Variants in MTUS2 observed in about 807,000 individuals in gnomAD.
The protein encoded by MTUS2 is microtubule-associated tumor suppressor candidate 2.
MTUS2 carries 40 observed loss-of-function variants against 114.1 expected under a neutral mutation model. That is an observed-to-expected ratio of 0.35 (90% CI 0.27 to 0.46). The LOEUF is 0.46. MTUS2 is among the 20% of genes least tolerant of loss of function. MTUS2 has a pLI of 1.00. For synonymous variants in MTUS2, 688 were observed against 672.0 expected (o/e 1.02, Z -0.37); for missense variants, 1,679 against 1,705.4 (o/e 0.98, Z 0.27).
intron 4 of MTUS2, among the ~76,000 whole-genome samples, chr13:29,058,351 G>C (rs1200968717): frequency 6.6e-6 from 1 of 151,600 alleles, no homozygotes; most frequent in African/African-American, 2.4e-5. Flanking sequence ...AATGTTCATG[G>C]GTGATATCCT....
At chr13:29,378,227 A>C (rs555415624) in intron 8 of MTUS2, among the ~76,000 whole-genome samples, 9 of 152,230 alleles carry the variant, frequency 5.9e-5, no homozygotes, top group African/African-American at 2.2e-4. Context: ...CCCTATACAC[A>C]AAAAAGTCAA....
intron 5 of MTUS2, among the ~76,000 whole-genome samples, chr13:29,157,384 T>A (rs555093295): frequency 6.6e-6 from 1 of 152,354 alleles, no homozygotes; most frequent in South Asian, 2.1e-4. Flanking sequence ...TGTTTTTGAC[T>A]TTTTAATTTT....
intron 2 of MTUS2, among the ~76,000 whole-genome samples, chr13:28,881,854 AG>A (rs1238987057): frequency 6.6e-6 from 1 of 152,242 alleles, no homozygotes; most frequent in African/African-American, 2.4e-5. Flanking sequence ...CCGTAGCCAA[AG>A]GATGGACATA....
intron 2 of MTUS2, among the ~76,000 whole-genome samples, chr13:28,951,287 G>A (rs1041910994): frequency 6.6e-6 from 1 of 152,220 alleles, no homozygotes; most frequent in Non-Finnish European, 1.5e-5. Flanking sequence ...GATTACTTTG[G>A]ATAGTATTGA....
intron 8 of MTUS2, among the ~76,000 whole-genome samples, chr13:29,406,307 G>A (rs1471225498): frequency 1.3e-5 from 2 of 152,154 alleles, no homozygotes; most frequent in Non-Finnish European, 2.9e-5. Context: ...AGAAGCTGGC[G>A]ATTCTGGCTC....
At chr13:28,878,082 T>C (rs1228195494) in intron 2 of MTUS2, among the ~76,000 whole-genome samples, 1 of 152,110 alleles carries the variant, frequency 6.6e-6, no homozygotes, top group Non-Finnish European at 1.5e-5. Context: ...TGCTTTGTAA[T>C]CTCTGTAGCT....
chr13:28,834,165 T>C (rs887725637), intron 1 of MTUS2, among the ~76,000 whole-genome samples: 6 of 152,002 alleles, frequency 3.9e-5, no homozygotes, highest in Admixed American at 3.3e-4. Context: ...CCCAATAAAT[T>C]GAAAAGCTGA....
intron 8 of MTUS2, among the ~76,000 whole-genome samples, chr13:29,407,338 G>A (rs1746301037): frequency 6.6e-6 from 1 of 151,996 alleles, no homozygotes; most frequent in Non-Finnish European, 1.5e-5. Context: ...GTGCACCTGT[G>A]CAAAAGTTTC....
rs56211919 is a variant in MTUS2 at position 29,504,294 on chromosome 13, A to T, written c.*1088A>T. 4 of 231,918 alleles carry T rather than the reference A, an allele frequency of 1.7e-5. No individual in the cohort carries two copies. The highest frequency in any genetic ancestry group is 2.2e-5 in the African/African-American group (1 of 45,182). The allele number at this position is 231,918 out of a possible 1,614,324, so 14.4% of individuals were successfully genotyped here. On this transcript the variant is annotated 3_prime_UTR_variant, in exon 16 of 16. Coordinates refer to ENST00000612955, the MANE Select transcript of MTUS2 (RefSeq NM_001033602.4). ...ATCAACTCTTTGAAATAGGACCCTC[A>T]GGCCCCCATTTCCTAGCAGCCCCCC...
chr13:29,238,248 T>G (rs929358900), intron 5 of MTUS2, among the ~76,000 whole-genome samples: 1 of 152,214 alleles, frequency 6.6e-6, no homozygotes, highest in Non-Finnish European at 1.5e-5. Flanking sequence ...ATCCTGTCAT[T>G]TATGATAACA....
chr13:29,032,059 C>T (rs1484539058), intron 3 of MTUS2, among the ~76,000 whole-genome samples: 1 of 151,996 alleles, frequency 6.6e-6, no homozygotes, highest in African/African-American at 2.4e-5. Flanking sequence ...GGTTTCCAAA[C>T]GTTGTTTTAT....
At chr13:29,471,630 A>G (rs73446171) in intron 9 of MTUS2, among the ~76,000 whole-genome samples, 4,865 of 151,998 alleles carry the variant, frequency 0.032, 266 homozygotes, top group African/African-American at 0.11. Context: ...ATGGTGAGGC[A>G]TTGTCCTCCC....
chr13:29,477,376 G>C (rs1880782266), intron 9 of MTUS2, among the ~76,000 whole-genome samples: 1 of 152,100 alleles, frequency 6.6e-6, no homozygotes, highest in Non-Finnish European at 1.5e-5. Context: ...TCAACTCCCT[G>C]GTGGAATCCT....
chr13:29,001,572 A>G (rs1444511403), intron 2 of MTUS2, among the ~76,000 whole-genome samples: 1 of 152,206 alleles, frequency 6.6e-6, no homozygotes, highest in Non-Finnish European at 1.5e-5. Flanking sequence ...GGGAGTGAGC[A>G]GAAATATCAG....
Position 28,932,219 on chromosome 13 carries a change from C to T in MTUS2, c.-242-92238C>T, listed in dbSNP as rs112572432. On this transcript the variant is annotated intron_variant, in intron 2 of 15. Coordinates refer to ENST00000612955, the MANE Select transcript of MTUS2 (RefSeq NM_001033602.4). ...AGTGGAAATAGTAAGGTCTTTGGAA[C>T]GGACAATTGTGTGACCTTAGTTAAA... Among the ~76,000 whole-genome samples the T allele has an allele frequency of 1.9e-3, 294 of 152,264 alleles. 1 individual carries two copies. The highest frequency in any genetic ancestry group is 6.8e-3 in the African/African-American group (282 of 41,548).
chr13:29,018,888 G>A (rs1886177889), intron 2 of MTUS2, among the ~76,000 whole-genome samples: 2 of 151,878 alleles, frequency 1.3e-5, no homozygotes, highest in African/African-American at 4.8e-5. Flanking sequence ...ATGAAAGATG[G>A]GCAGATACAA....
chr13:29,331,878 T>G (rs1593312140), intron 7 of MTUS2, among the ~76,000 whole-genome samples: 1 of 152,354 alleles, frequency 6.6e-6, no homozygotes, highest in Non-Finnish European at 1.5e-5. Flanking sequence ...TTTGCATATG[T>G]TGAACCAGCT....
At chr13:29,069,608 T>C (rs1271750699) in intron 4 of MTUS2, among the ~76,000 whole-genome samples, 1 of 152,172 alleles carries the variant, frequency 6.6e-6, no homozygotes, top group African/African-American at 2.4e-5. Context: ...TAAAATTAAC[T>C]ATGACACCTC....
In MTUS2 at chr13:29,026,039, C is replaced by A; in HGVS notation, c.1341C>A (p.Ser447Arg). 1.2e-6 allele frequency: 2 copies of A among 1,613,956 alleles called. No homozygotes were observed. Among genetic ancestry groups the A allele is most frequent in the South Asian group, 1.1e-5 (1 of 91,068 alleles). Reference protein sequence around the residue: ...VAFIPNNLTDSKPLDVIEEER... With the variant: ...VAFIPNNLTDRKPLDVIEEER... ...TTATTCCTAATAATCTGACTGACAG[C>A]AAGCCCTTGGATGTCATTGAGGAGG... The change falls in exon 3 of 16, where the codon AGC (serine) becomes AGA (arginine). Residue 447 changes from serine (S) to arginine (R), a missense_variant. This residue lies in a region of MTUS2 where 843 missense variants were observed against 770.8 expected (regional missense o/e 1.09). Coordinates refer to ENST00000612955, the MANE Select transcript of MTUS2 (RefSeq NM_001033602.4).
Sources: gnomAD v4.1 joint callset for allele counts (sites outside exome capture counted in the v4.1 genomes callset) on GRCh38, gnomAD v4.1.1 for gene constraint, gnomAD v4.1.1 regional missense constraint, MANE v1.5 for transcripts, NCBI Gene and HGNC (gene_info 2026-07-23, HGNC 2026-07-21) for gene names.